The following DHRSX variants were observed in gnomAD, a reference collection of about 807,000 sequenced individuals.
DHRSX encodes polyprenol dehydrogenase.
DHRSX carries 31 observed loss-of-function variants against 34.0 expected under a neutral mutation model. The observed-to-expected ratio is 0.91, with a 90% CI of 0.69 to 1.23. The LOEUF (loss-of-function observed/expected upper bound fraction) is 1.23. Among genes scored for constraint, DHRSX ranks in the 50% most tolerant of loss-of-function variants. The pLI is 0.00. For missense variants in DHRSX, 414 were observed against 428.1 expected, an observed-to-expected ratio of 0.97 and a Z score of 0.29; for synonymous variants, 201 against 183.8, an observed-to-expected ratio of 1.09 and a Z score of -0.76.
chrX:2,330,066 G>C (rs1332609972), intron 3 of DHRSX, among the ~76,000 whole-genome samples: 1 of 6,486 alleles, frequency 1.5e-4, no homozygotes, highest in African/African-American at 6.4e-4. Context: ...GAGAAGCAGA[G>C]AGACGGCGGG....
intron 3 of DHRSX, among the ~76,000 whole-genome samples, chrX:2,406,187 G>A (rs924999952): frequency 2.0e-5 from 3 of 151,824 alleles, no homozygotes; most frequent in African/African-American, 7.3e-5. Context: ...AGCTACTCAG[G>A]AGGCTGAGGC....
rs773365977 is a variant in DHRSX at position 2,221,364 on chromosome X, C to T, written c.805-135G>A. 43 of 914,906 alleles carry T rather than the reference C, an allele frequency of 4.7e-5. 1 individual carries two copies. In the South Asian group the frequency reaches 5.1e-4, roughly 11 times the overall value. The allele number at this position is 914,906 out of a possible 1,614,324, so 56.7% of individuals were successfully genotyped here. On this transcript the variant is annotated intron_variant, in intron 6 of 6. Coordinates refer to ENST00000334651, the MANE Select transcript of DHRSX (RefSeq NM_145177.3). ...TGCACTGAGAAATGTATGCAAAAAGCGAGGTTGGGTGATCAATCTGAACCA... is the reference window on the plus strand; with the variant it reads ...TGCACTGAGAAATGTATGCAAAAAGTGAGGTTGGGTGATCAATCTGAACCA...
intron 3 of DHRSX, among the ~76,000 whole-genome samples, chrX:2,330,668 AGG>A (rs1354361094): frequency 8.2e-6 from 1 of 122,388 alleles, no homozygotes; most frequent in Non-Finnish European, 1.6e-5. Flanking sequence ...AAGGAGAAGA[AGG>A]AGAAGGAGGA....
chrX:2,446,014 T>G (rs936072855), intron 1 of DHRSX, among the ~76,000 whole-genome samples: 3 of 145,722 alleles, frequency 2.1e-5, no homozygotes, highest in African/African-American at 7.7e-5. Flanking sequence ...AAGGGACCGC[T>G]GCTGTGTATT....
rs542844887 is a variant in DHRSX, at chrX:2,440,148, C to T, written c.110-14844G>A. Among the ~76,000 whole-genome samples the T allele has an allele frequency of 7.5e-4, 114 of 152,220 alleles. No individual in the cohort carries two copies. The South Asian group carries it at 0.018, about 24-fold the overall frequency. On this transcript the variant is annotated intron_variant, in intron 1 of 6. Transcript: ENST00000334651. ...AGCATCTGTCAGCAAAGTTTGCCAA[C>T]GGCTGTACCCACACAAAGAAGAGAG...
chrX:2,366,820 A>G (rs2042999242), intron 3 of DHRSX, among the ~76,000 whole-genome samples: 1 of 151,944 alleles, frequency 6.6e-6, no homozygotes, highest in Non-Finnish European at 1.5e-5. Flanking sequence ...GCTAGTCTCA[A>G]ATTCCTGGGC....
chrX:2,288,244 T>C (rs2041828282), intron 4 of DHRSX, among the ~76,000 whole-genome samples: 1 of 152,110 alleles, frequency 6.6e-6, no homozygotes, highest in Non-Finnish European at 1.5e-5. Flanking sequence ...TTGTTGTTTT[T>C]GTTGTTTTGA....
At chrX:2,354,450 T>C (rs1218567852) in intron 3 of DHRSX, among the ~76,000 whole-genome samples, 1 of 152,198 alleles carries the variant, frequency 6.6e-6, no homozygotes, top group Non-Finnish European at 1.5e-5. Context: ...CTCCACTCCC[T>C]GCCCATCCAT....
intron 1 of DHRSX, among the ~76,000 whole-genome samples, chrX:2,454,831 G>A (rs1341489296): frequency 3.9e-5 from 6 of 152,068 alleles, no homozygotes; most frequent in Non-Finnish European, 8.8e-5. Flanking sequence ...GAATGGGATT[G>A]GTTGGGCGTG....
At chrX:2,493,065 C>A (rs1255106448) in intron 1 of DHRSX, among the ~76,000 whole-genome samples, 4 of 152,232 alleles carry the variant, frequency 2.6e-5, no homozygotes, top group Non-Finnish European at 4.4e-5. Context: ...CCCAGCAGTG[C>A]CACTTCCCAA....
Position 2,378,439 on chromosome X carries a change from C to G in DHRSX, c.286+30306G>C, listed in dbSNP as rs888478902. ...TTCTGCCTCTGCCACCCGAGACACC[C>G]CCTTCTCTTCCTCCTCCTCCTCAAC... is the stretch of plus-strand genomic sequence containing the variant. On this transcript the variant is annotated intron_variant, in intron 3 of 6. Transcript: ENST00000334651. Among the ~76,000 whole-genome samples the G allele has an allele frequency of 5.7e-4, 86 of 152,132 alleles. 1 individual carries two copies. The highest frequency in any genetic ancestry group is 1.0e-4 in the Non-Finnish European group (7 of 68,026).
rs759014033 is a variant in DHRSX at position 2,406,336 on chromosome X, C to T, written c.286+2409G>A. 7.2e-5 allele frequency among the ~76,000 whole-genome samples: 11 copies of T among 152,162 alleles called. No homozygotes were observed. In the South Asian group the frequency reaches 1.5e-3, roughly 20 times the overall value. On this transcript the variant is annotated intron_variant, in intron 3 of 6. Coordinates refer to ENST00000334651, the MANE Select transcript of DHRSX (RefSeq NM_145177.3). Reference sequence around the variant, plus strand: ...AACAAAGAAAAGGTACTCAACATCACTAATCATCAGGGAAATGCAAATGAA... The same window carrying T: ...AACAAAGAAAAGGTACTCAACATCATTAATCATCAGGGAAATGCAAATGAA...
intron 3 of DHRSX, among the ~76,000 whole-genome samples, chrX:2,355,056 G>A (rs2042832089): frequency 4.6e-5 from 7 of 152,132 alleles, no homozygotes; most frequent in Admixed American, 2.6e-4. Context: ...CGAGGCAGAA[G>A]GACCTGAGAC....
chrX:2,382,502 C>T lies in DHRSX; in HGVS notation c.286+26243G>A, dbSNP rs1416663163. The stretch of plus-strand genomic sequence containing the variant: ...TCATAGCCACCACCATCATCATTAC[C>T]ATCATCACCATCACCACCATCATCA... On this transcript the variant is annotated intron_variant, in intron 3 of 6. Transcript: ENST00000334651. Among the ~76,000 whole-genome samples the T allele has an allele frequency of 9.5e-5, 14 of 146,902 alleles. No individual in the cohort carries two copies. The Admixed American group carries it at 9.6e-4, about 10-fold the overall frequency.
At chrX:2,285,188 AT>A (rs2041790392) in intron 4 of DHRSX, among the ~76,000 whole-genome samples, 4 of 152,160 alleles carry the variant, frequency 2.6e-5, no homozygotes, top group African/African-American at 9.7e-5. Context: ...TGTACACTTT[AT>A]TTGTATTATT....
At chrX:2,489,725 A>G (rs1251488241) in intron 1 of DHRSX, 1 of 1,613,078 alleles carries the variant, frequency 6.2e-7, no homozygotes, top group Non-Finnish European at 8.5e-7. Flanking sequence ...CTTCTCATAG[A>G]GCATGTACAT....
At chrX:2,361,505 T>C (rs2042933893) in intron 3 of DHRSX, among the ~76,000 whole-genome samples, 1 of 152,200 alleles carries the variant, frequency 6.6e-6, no homozygotes. Flanking sequence ...CAAGGTCTTA[T>C]AAAGACCTAA....
chrX:2,399,001 C>A (rs6641659), intron 3 of DHRSX, among the ~76,000 whole-genome samples: 1 of 151,888 alleles, frequency 6.6e-6, no homozygotes, highest in African/African-American at 2.4e-5. Flanking sequence ...TACAGGCACC[C>A]GCCACCAAGC....
chrX:2,342,259 A>C (rs2042650352), intron 3 of DHRSX, among the ~76,000 whole-genome samples: 1 of 152,064 alleles, frequency 6.6e-6, no homozygotes, highest in African/African-American at 2.4e-5. Context: ...CTGGTTTCTG[A>C]ATAGGAGTCT....
Sources: gnomAD v4.1 joint callset for allele counts (sites outside exome capture counted in the v4.1 genomes callset) on GRCh38, gnomAD v4.1.1 for gene constraint, MANE v1.5 for transcripts, NCBI Gene and HGNC (gene_info 2026-07-23, HGNC 2026-07-21) for gene names.